RIMKLB: variants seen among roughly 807,000 people sequenced by gnomAD.
RIMKLB encodes the protein beta-citrylglutamate synthase B.
Under a neutral mutation model 32.0 loss-of-function variants are expected in RIMKLB, and 7 were observed. That is an observed-to-expected ratio of 0.22 (90% confidence interval 0.12 to 0.41). RIMKLB has a LOEUF of 0.41. Among genes scored for constraint, RIMKLB ranks in the 10% least tolerant of loss-of-function variants. RIMKLB has a pLI of 1.00. For missense variants in RIMKLB, 289 were observed against 498.7 expected, an observed-to-expected ratio of 0.58 and a Z score of 4.00; for synonymous variants, 172 against 185.1, an observed-to-expected ratio of 0.93 and a Z score of 0.57.
At chr12:8,696,910 G>T (rs2136614371), upstream of RIMKLB, among the ~76,000 whole-genome samples, 1 of 152,306 alleles carries the variant, frequency 6.6e-6, no homozygotes, top group Middle Eastern at 3.4e-3. Context: ...TCTGGTGACT[G>T]AAGTTATTTG....
intron 2 of RIMKLB, among the ~76,000 whole-genome samples, chr12:8,720,750 G>T (rs1945363908): frequency 6.6e-6 from 1 of 152,178 alleles, no homozygotes; most frequent in Admixed American, 6.5e-5. Flanking sequence ...TTGTTGGCCA[G>T]GCTGGTCTGG....
the RIMKLB span, among the ~76,000 whole-genome samples, chr12:8,675,764 G>T: frequency 1.3e-5 from 2 of 151,764 alleles, no homozygotes; most frequent in Non-Finnish European, 2.9e-5. Flanking sequence ...TTTCTTTTTG[G>T]GAGAGTACAT....
chr12:8,716,725 CTTTTTTTTTTTTTTT>C (rs71451981), intron 2 of RIMKLB, among the ~76,000 whole-genome samples: 1 of 95,158 alleles, frequency 1.1e-5, no homozygotes, highest in African/African-American at 4.0e-5. Flanking sequence ...TCTTTTCCTT[CTTTTTTTTTTTTTTT>C]TTTTTTTTTA....
chr12:8,761,630 C>T (rs879506929), intron 5 of RIMKLB, among the ~76,000 whole-genome samples: 4 of 152,082 alleles, frequency 2.6e-5, no homozygotes, highest in Non-Finnish European at 4.4e-5. Flanking sequence ...CCTGATTGGT[C>T]GGGTGTGAGC....
chr12:8,766,988 T>A (rs1296028317), intron 5 of RIMKLB, among the ~76,000 whole-genome samples: 1 of 152,272 alleles, frequency 6.6e-6, no homozygotes, highest in Admixed American at 6.5e-5. Flanking sequence ...CTGAATGCAT[T>A]TGGCCCATCC....
chr12:8,698,949 C>T (rs1362828299), intron 1 of RIMKLB, among the ~76,000 whole-genome samples: 2 of 140,592 alleles, frequency 1.4e-5, no homozygotes, highest in Non-Finnish European at 1.6e-5. Flanking sequence ...CTACTTGCCC[C>T]TCACCCCCCC....
chr12:8,743,463 G>A (rs1015963019), intron 2 of RIMKLB, among the ~76,000 whole-genome samples: 1 of 151,252 alleles, frequency 6.6e-6, no homozygotes, highest in African/African-American at 2.4e-5. Flanking sequence ...CCATTTGTCT[G>A]TTCCTTGATT....
chr12:8,713,639 ATAT>A, intron 1 of RIMKLB, 169 bp from the exon 2 acceptor site: 1 of 497,008 alleles, frequency 2.0e-6, no homozygotes, highest in Non-Finnish European at 3.6e-6. Context: ...GTCAGTTTCC[ATAT>A]TACTAGTGTA....
Position 8,682,688 on chromosome 12 carries a change from C to T in RIMKLB, n.219+870C>T, listed in dbSNP as rs891913340. ...TCGGGAGGCTGAGGCAGGAGAACGG[C>T]GTGAACCCGGGAGGCGGAGCTGGCA... On this transcript the variant is annotated intron_variant and non_coding_transcript_variant, in intron 1 of 1. Transcript: ENST00000538758. 1.1e-4 allele frequency among the ~76,000 whole-genome samples: 16 copies of T among 150,888 alleles called. No homozygotes were observed. The East Asian group carries it at 2.7e-3, about 26-fold the overall frequency.
chr12:8,704,999 C>CACACACACACACACACACAAAAAAAAAA, intron 1 of RIMKLB, among the ~76,000 whole-genome samples: 1 of 151,650 alleles, frequency 6.6e-6, no homozygotes, highest in African/African-American at 2.4e-5. Flanking sequence ...CACACACACA[C>CACACACACACACACACACAAAAAAAAAA]AAAACCCCAA....
chr12:8,672,656 G>A, the RIMKLB span, among the ~76,000 whole-genome samples: 1 of 151,948 alleles, frequency 6.6e-6, no homozygotes, highest in South Asian at 2.1e-4. Flanking sequence ...TGACACATGG[G>A]AATTCTGGAA....
downstream of RIMKLB, chr12:8,779,245 C>G (rs1285464187): frequency 6.6e-6 from 1 of 151,998 alleles, no homozygotes; most frequent in South Asian, 2.1e-4. Flanking sequence ...TAAGAATGAT[C>G]TTGCTTTTAG....
intron 2 of RIMKLB, among the ~76,000 whole-genome samples, chr12:8,738,616 A>G (rs1947227831): frequency 6.6e-6 from 1 of 152,168 alleles, no homozygotes; most frequent in Non-Finnish European, 1.5e-5. Flanking sequence ...CTGATTACAC[A>G]CACACAACAC....
At chr12:8,706,348 C>T (rs1376795185) in intron 1 of RIMKLB, among the ~76,000 whole-genome samples, 1 of 151,816 alleles carries the variant, frequency 6.6e-6, no homozygotes, top group African/African-American at 2.4e-5. Flanking sequence ...CCAGGTTGGC[C>T]AGGCTGGTCT....
chr12:8,683,045 T>C (rs1207576129), intron 1 of RIMKLB, among the ~76,000 whole-genome samples: 1 of 152,214 alleles, frequency 6.6e-6, no homozygotes, highest in Non-Finnish European at 1.5e-5. Context: ...TTCCACTTAG[T>C]AATATGCTCT....
downstream of RIMKLB, among the ~76,000 whole-genome samples, chr12:8,781,831 GA>G (rs1485324859): frequency 2.6e-5 from 4 of 151,870 alleles, no homozygotes; most frequent in Non-Finnish European, 5.9e-5. Context: ...TAGAATTAAA[GA>G]ATGTAAATTT....
At chr12:8,685,933 G>A (rs917936621) in intron 1 of RIMKLB, among the ~76,000 whole-genome samples, 2 of 151,778 alleles carry the variant, frequency 1.3e-5, no homozygotes, top group African/African-American at 4.8e-5. Flanking sequence ...TCGGCCTCCC[G>A]AGTAGCTGGG....
chr12:8,749,732 CT>C, intron 2 of RIMKLB, 129 bp from the exon 3 acceptor site: 1 of 633,212 alleles, frequency 1.6e-6, no homozygotes, highest in East Asian at 2.8e-5. Context: ...TTAGGAGTAT[CT>C]CTATCCCAAT....
chr12:8,697,008 C>T (rs1318195126), upstream of RIMKLB, among the ~76,000 whole-genome samples: 2 of 152,062 alleles, frequency 1.3e-5, no homozygotes, highest in African/African-American at 2.4e-5. Flanking sequence ...GTTGAACATT[C>T]ATATTCTTAG....
Sources: gnomAD v4.1 joint callset for allele counts (sites outside exome capture counted in the v4.1 genomes callset) on GRCh38, gnomAD v4.1.1 for gene constraint, MANE v1.5 for transcripts, NCBI Gene and HGNC (gene_info 2026-07-23, HGNC 2026-07-21) for gene names.